The following DNAH11 variants were observed in gnomAD, a reference collection of about 807,000 sequenced individuals.
DNAH11 encodes dynein axonemal heavy chain 11.
DNAH11 carries 442 observed loss-of-function variants against 526.0 expected under a neutral mutation model. The observed-to-expected ratio is 0.84, with a 90% CI of 0.78 to 0.91. The LOEUF (loss-of-function observed/expected upper bound fraction) is 0.91, where lower values mean the gene tolerates loss of function less well. Among genes scored for constraint, DNAH11 ranks in the 40% least tolerant of loss-of-function variants. The pLI is 0.00. For synonymous variants in DNAH11, 2,461 were observed against 1,935.9 expected, an observed-to-expected ratio of 1.27 and a Z score of -7.12; for missense variants, 6,989 against 5,448.7, an observed-to-expected ratio of 1.28 and a Z score of -8.90.
chr7:21,720,973 C>A, intron 44 of DNAH11, 117 bp downstream of exon 44: 1 of 1,296,658 alleles, frequency 7.7e-7, no homozygotes, highest in Non-Finnish European at 1.0e-6. Flanking sequence ...ATACTGCTTG[C>A]CCTGTTCTCT....
intron 45 of DNAH11, among the ~76,000 whole-genome samples, chr7:21,727,664 A>G (rs1231388807): frequency 6.6e-6 from 1 of 152,028 alleles, no homozygotes; most frequent in African/African-American, 2.4e-5. Flanking sequence ...TTTGGAGCTT[A>G]TTATTTTGGG....
At chr7:21,685,654 T>G (rs916710754) in intron 32 of DNAH11, among the ~76,000 whole-genome samples, 18 of 152,296 alleles carry the variant, frequency 1.2e-4, no homozygotes, top group African/African-American at 4.1e-4. Context: ...GTCAACTGTG[T>G]ATTGACTAGA....
chr7:21,837,731 G>C (rs1285293973), intron 65 of DNAH11, among the ~76,000 whole-genome samples: 1 of 152,116 alleles, frequency 6.6e-6, no homozygotes. Context: ...CAATTCAGTG[G>C]TTTTTAGTTA....
rs376561474 is a variant in DNAH11, at chr7:21,783,650, G to A, written c.9484-777G>A. Reference sequence around the variant, plus strand: ...GGAGGATAAGCCACTTCCCACCCCCGCCCTGTCTTCTCATTTTGGTTTGGT... The same window carrying A: ...GGAGGATAAGCCACTTCCCACCCCCACCCTGTCTTCTCATTTTGGTTTGGT... On this transcript the variant is annotated intron_variant, in intron 57 of 81. Coordinates refer to ENST00000409508, the MANE Select transcript of DNAH11 (RefSeq NM_001277115.2). Among the ~76,000 whole-genome samples, 39 of 77,348 alleles carry A rather than the reference G, an allele frequency of 5.0e-4. No homozygotes were observed. The East Asian group carries it at 5.7e-3, about 11-fold the overall frequency. 50.7% of individuals were successfully genotyped at this position (77,348 alleles called of 152,430 possible). A position where few individuals can be genotyped will look rare whatever the true frequency, so the allele number is the denominator to read the frequency against.
chr7:21,806,590 C>A (rs76887410), intron 62 of DNAH11, among the ~76,000 whole-genome samples: 1 of 152,154 alleles, frequency 6.6e-6, no homozygotes, highest in Non-Finnish European at 1.5e-5. Flanking sequence ...TCCATTCTGA[C>A]GTCATTTTTG....
intron 5 of DNAH11, among the ~76,000 whole-genome samples, chr7:21,563,201 A>AT (rs1429118133): frequency 5.3e-5 from 8 of 151,612 alleles, no homozygotes; most frequent in Middle Eastern, 3.2e-3. Context: ...TTTTTGTTTG[A>AT]TTTTTTTCTT....
At chr7:21,559,085 A>T in intron 3 of DNAH11, 87 bp downstream of exon 3, 1 of 1,173,260 alleles carries the variant, frequency 8.5e-7, no homozygotes, top group Non-Finnish European at 1.2e-6. Context: ...AGCAATTTGG[A>T]GGCTGAGGTG....
chr7:21,884,638 T>C (rs1433822157), intron 76 of DNAH11, among the ~76,000 whole-genome samples: 1 of 152,072 alleles, frequency 6.6e-6, no homozygotes, highest in African/African-American at 2.4e-5. Flanking sequence ...TGCTAGAGAG[T>C]GCACCAGCGT....
chr7:21,710,033 A>G (rs1301702257), intron 40 of DNAH11, among the ~76,000 whole-genome samples: 4 of 152,232 alleles, frequency 2.6e-5, no homozygotes, highest in Non-Finnish European at 4.4e-5. Context: ...TTTTGCCTAT[A>G]CATCTTGTTA....
intron 31 of DNAH11, among the ~76,000 whole-genome samples, chr7:21,683,573 A>G (rs1783233809): frequency 6.6e-6 from 1 of 152,278 alleles, no homozygotes; most frequent in African/African-American, 2.4e-5. Flanking sequence ...ATTGTTTTAC[A>G]TAAAAGCCAG....
intron 56 of DNAH11, among the ~76,000 whole-genome samples, chr7:21,774,430 C>T (rs1321778212): frequency 4.6e-5 from 7 of 152,074 alleles, no homozygotes; most frequent in Non-Finnish European, 8.8e-5. Context: ...TAGAGCTGTT[C>T]CTCCCTTAGT....
At chr7:21,884,715 C>T (rs550010535) in intron 76 of DNAH11, among the ~76,000 whole-genome samples, 168 of 152,272 alleles carry the variant, frequency 1.1e-3, no homozygotes, top group African/African-American at 3.8e-3. Context: ...GCAGAGCTGA[C>T]GCTGTTATTC....
At chr7:21,572,057 G>T in intron 8 of DNAH11, 84 bp downstream of exon 8, 2 of 1,194,130 alleles carry the variant, frequency 1.7e-6, no homozygotes, top group Non-Finnish European at 2.2e-6. Flanking sequence ...GTGATAATAG[G>T]GACCATCCAT....
rs558746107 is a variant in DNAH11, at chr7:21,726,677, C to T, written c.7440+693C>T. Among the ~76,000 whole-genome samples the T allele has an allele frequency of 3.2e-3, 488 of 150,766 alleles. 2 individuals carry two copies. Among genetic ancestry groups the T allele is most frequent in the African/African-American group, 0.011 (443 of 41,132 alleles). On this transcript the variant is annotated intron_variant, in intron 45 of 81. Coordinates refer to ENST00000409508, the MANE Select transcript of DNAH11 (RefSeq NM_001277115.2). ...GAGATCGAGGCCATCCTGGCTAACA[C>T]GGTGAAACCCCATCTCTACTAAAAA...
chr7:21,637,682 A>T lies in DNAH11; in HGVS notation c.4797A>T (p.Lys1599Asn), dbSNP rs768222501. 6.4e-7 allele frequency: 1 copy of T among 1,568,464 alleles called. No homozygotes were observed. Among genetic ancestry groups the T allele is most frequent in the Non-Finnish European group, 8.6e-7 (1 of 1,156,956 alleles). Reference protein sequence around the residue: ...EATCRPNLYEKLKDLQSRLSL... With the variant: ...EATCRPNLYENLKDLQSRLSL... Reference sequence around the variant, plus strand: ...CGTGCAGACCTAATCTCTATGAAAAACTTAAAGATTTACAGTCCAGGTAAG... The same window carrying T: ...CGTGCAGACCTAATCTCTATGAAAATCTTAAAGATTTACAGTCCAGGTAAG... The change falls in exon 27 of 82, where the codon AAA becomes AAT. Residue 1599 changes from lysine (K) to asparagine (N), a missense_variant. Coordinates refer to ENST00000409508, the MANE Select transcript of DNAH11 (RefSeq NM_001277115.2).
chr7:21,764,177 C>G (rs1309537017), intron 54 of DNAH11, among the ~76,000 whole-genome samples: 2 of 152,058 alleles, frequency 1.3e-5, no homozygotes, highest in African/African-American at 4.8e-5. Flanking sequence ...GAGGGTAGAT[C>G]TCATGTTTTT....
chr7:21,835,121 A>G (rs1342925574), intron 65 of DNAH11, among the ~76,000 whole-genome samples: 1 of 152,096 alleles, frequency 6.6e-6, no homozygotes, highest in East Asian at 1.9e-4. Flanking sequence ...TCAATAGTCA[A>G]AAGTGTCCCA....
In DNAH11 at chr7:21,600,994, C is replaced by A; in HGVS notation, c.3256-16C>A. The A allele has an allele frequency of 6.2e-7, 1 of 1,609,900 alleles. No homozygotes were observed. The highest frequency in any genetic ancestry group is 8.5e-7 in the Non-Finnish European group (1 of 1,179,018). On this transcript the variant is annotated splice_polypyrimidine_tract_variant and intron_variant, in intron 16 of 81. Transcript: ENST00000409508. ...TTTTCACTGAGTTGTTCTAATTAATCTTTTTCTCACTACAGATTGACATTT... is the reference window on the plus strand; with the variant it reads ...TTTTCACTGAGTTGTTCTAATTAATATTTTTCTCACTACAGATTGACATTT...
At chr7:21,791,369 C>T (rs1214774099) in intron 61 of DNAH11, among the ~76,000 whole-genome samples, 2 of 152,202 alleles carry the variant, frequency 1.3e-5, no homozygotes, top group Non-Finnish European at 2.9e-5. Flanking sequence ...AGGCTTTTAG[C>T]AGGAGTGACC....
Sources: allele counts gnomAD v4.1 joint callset (sites outside exome capture counted in the v4.1 genomes callset), GRCh38; gene constraint gnomAD v4.1.1; transcripts MANE v1.5; gene names NCBI Gene and HGNC (gene_info 2026-07-23, HGNC 2026-07-21).